Variants in IL12RB1 observed in about 807,000 individuals in gnomAD.
IL12RB1 encodes interleukin-12 receptor subunit beta-1.
In IL12RB1, 64 loss-of-function variants were observed where a neutral mutation model predicts 94.4. The observed-to-expected ratio is 0.68, with a 90% CI of 0.55 to 0.83. IL12RB1 has a LOEUF of 0.83. Among genes scored for constraint, IL12RB1 ranks in the 40% least tolerant of loss-of-function variants. The pLI is 0.00. For synonymous variants in IL12RB1, 362 were observed against 355.5 expected, an observed-to-expected ratio of 1.02 and a Z score of -0.21; for missense variants, 814 against 855.6, an observed-to-expected ratio of 0.95 and a Z score of 0.61.
chr19:18,079,830 G>C (rs551827665), intron 4 of IL12RB1, among the ~76,000 whole-genome samples: 27 of 152,036 alleles, frequency 1.8e-4, no homozygotes, highest in Non-Finnish European at 3.8e-4. Context: ...CCAGGAGGCA[G>C]AGCTTGCAGT....
rs757004204 is a variant in IL12RB1 at position 18,068,493 on chromosome 19, A to G, written c.1223T>C (p.Met408Thr). ...TYSWSRESGA[M>T]GQEKCYYITI... ...AATGTAGTAACACTTTTCCTGCCCC[A>G]TTGCCCCAGACTCTCGACTCCAGCT... Residue 408 changes from methionine to threonine, a missense_variant, in exon 11 of 17, where the codon ATG (methionine) becomes ACG (threonine). Physicochemically the swap from Met to Thr is moderately conservative, Grantham distance 81. Coordinates refer to ENST00000593993, the MANE Select transcript of IL12RB1 (RefSeq NM_005535.3). 6.2e-6 allele frequency: 10 copies of G among 1,612,522 alleles called. No individual in the cohort carries two copies. In the East Asian group the frequency reaches 2.0e-4, roughly 32 times the overall value.
At chr19:18,061,862 C>CAAAAAAAAAAAAA (rs1555778906) in intron 14 of IL12RB1, among the ~76,000 whole-genome samples, 17 of 141,806 alleles carry the variant, frequency 1.2e-4, no homozygotes, top group Non-Finnish European at 2.4e-4. Context: ...GACTCCATCT[C>CAAAAAAAAAAAAA]AAAAAAGAAA....
Position 18,059,981 on chromosome 19 carries a change from G to C in IL12RB1, c.1896C>G (p.Leu632=), listed in dbSNP as rs769424178. Residue 632 remains leucine, a synonymous_variant, in exon 16 of 17, where the codon CTC becomes CTG. Coordinates refer to ENST00000593993, the MANE Select transcript of IL12RB1 (RefSeq NM_005535.3). The stretch of plus-strand genomic sequence containing the variant: ...CACCCTCAGGTAGCTCTGTCTTCTC[G>C]AGAGGCTCAGTCCTCTCGCCTTTGT... ...SWDKGERTEP[L]EKTELPEGAP... is the part of the protein sequence containing the mutation. The C allele has an allele frequency of 1.3e-6, 2 of 1,599,752 alleles. No individual in the cohort carries two copies. Among genetic ancestry groups the C allele is most frequent in the Non-Finnish European group, 8.5e-7 (1 of 1,171,082 alleles).
At chr19:18,081,105 G>T in intron 3 of IL12RB1, 104 bp from the exon 4 acceptor site, 1 of 1,100,132 alleles carries the variant, frequency 9.1e-7, no homozygotes, top group Non-Finnish European at 1.3e-6. Flanking sequence ...GTGTTTGTTT[G>T]TTTGTTTGGA....
At chr19:18,072,035 C>A in intron 9 of IL12RB1, 77 bp downstream of exon 9, 2 of 1,017,628 alleles carry the variant, frequency 2.0e-6, no homozygotes, top group East Asian at 2.4e-5. Context: ...TCCTCTCACC[C>A]TGGTCTAGCT....
chr19:18,066,653 T>C lies in IL12RB1; in HGVS notation c.1372A>G (p.Ser458Gly). ...CAGTCCACAGACACAGAGTCCAAGC[T>C]ATGATTCTTCACCGAGACGTGGTGC... is the stretch of plus-strand genomic sequence containing the variant. ...TPHHVSVKNH[S>G]LDSVSVDWAP... is the part of the protein sequence containing the mutation. The change falls in exon 12 of 17, where the codon AGC becomes GGC. Residue 458 changes from serine (S) to glycine (G), a missense_variant. By Grantham distance (56) the Ser-to-Gly change is moderately conservative. Transcript: ENST00000593993. The C allele has an allele frequency of 6.2e-7, 1 of 1,611,072 alleles. No individual in the cohort carries two copies. The highest frequency in any genetic ancestry group is 8.5e-7 in the Non-Finnish European group (1 of 1,177,600).
chr19:18,097,098 A>G (rs2037005059), intron 1 of IL12RB1, among the ~76,000 whole-genome samples: 1 of 152,078 alleles, frequency 6.6e-6, no homozygotes, highest in African/African-American at 2.4e-5. Flanking sequence ...GCCACCTTAA[A>G]TTTTGCACAG....
chr19:18,086,329 C>T (rs749081212), intron 1 of IL12RB1, among the ~76,000 whole-genome samples: 21 of 152,024 alleles, frequency 1.4e-4, no homozygotes, highest in Non-Finnish European at 2.8e-4. Context: ...CATTTTATAT[C>T]AGGAACTTGA....
chr19:18,072,214 G>GCATCTTCC lies in IL12RB1; in HGVS notation c.911_918dup (p.Pro307GlyfsTer25). On this transcript the variant is annotated frameshift_variant, in exon 9 of 17. Transcript: ENST00000593993. LOFTEE classifies it high-confidence loss of function. ...TTGTAGGCAGCACCCGAGAGATAGG[G>GCATCTTCC]CATCTTCCCCAGGTGCAGGGTCCTG... The GCATCTTCC allele has an allele frequency of 6.2e-7, 1 of 1,614,018 alleles. No homozygotes were observed.
chr19:18,087,013 A>C, upstream of IL12RB1: 1 of 1,273,740 alleles, frequency 7.9e-7, no homozygotes, highest in African/African-American at 1.5e-5. Flanking sequence ...GAAACCCAGG[A>C]AGTCAGCTCC....
intron 1 of IL12RB1, among the ~76,000 whole-genome samples, 168 bp downstream of exon 1, chr19:18,086,592 T>A (rs1284546366): frequency 6.6e-6 from 1 of 152,062 alleles, no homozygotes; most frequent in Non-Finnish European, 1.5e-5. Context: ...AGGAAAGATG[T>A]CTAAGTTCGA....
chr19:18,081,650 G>C (rs988035678), intron 3 of IL12RB1, among the ~76,000 whole-genome samples: 2 of 151,592 alleles, frequency 1.3e-5, no homozygotes, highest in Non-Finnish European at 2.9e-5. Flanking sequence ...GTGAGACTCT[G>C]TCTCTACTAA....
intron 7 of IL12RB1, among the ~76,000 whole-genome samples, chr19:18,074,306 C>T (rs960604571): frequency 4.6e-5 from 7 of 152,174 alleles, no homozygotes; most frequent in African/African-American, 1.7e-4. Context: ...ACCACAGCGC[C>T]AGGCCTTTCT....
At chr19:18,097,778 G>C in intron 1 of IL12RB1, 1 of 1,213,958 alleles carries the variant, frequency 8.2e-7, no homozygotes, top group Non-Finnish European at 1.0e-6. Flanking sequence ...GCCTGGCGGC[G>C]CGGACTCCCG....
At chr19:18,075,946 T>G in intron 6 of IL12RB1, 78 bp from the exon 7 acceptor site, 8 of 1,380,428 alleles carry the variant, frequency 5.8e-6, no homozygotes, top group South Asian at 1.2e-5. Context: ...ATCATGTGCT[T>G]ATTGAGCTCC....
Position 18,080,956 on chromosome 19 carries a change from G to C in IL12RB1, c.285C>G (p.Thr95=). 6.2e-7 allele frequency: 1 copy of C among 1,613,890 alleles called. No individual in the cohort carries two copies. The highest frequency in any genetic ancestry group is 8.5e-7 in the Non-Finnish European group (1 of 1,179,934). Residue 95 remains threonine (T), a synonymous_variant, in exon 4 of 17, where the codon ACC becomes ACG. Transcript: ENST00000593993. ...RCCYFAAGSA[T]RLQFSDQAGV... ...CAGCCTGGTCGGAGAACTGCAGCCT[G>C]GTGGCTGAGCCGGCGGCGAAGTAGC...
chr19:18,064,624 C>T (rs777686824), intron 12 of IL12RB1, among the ~76,000 whole-genome samples: 4 of 152,080 alleles, frequency 2.6e-5, no homozygotes, highest in Admixed American at 1.3e-4. Flanking sequence ...AGGCGCCCAC[C>T]ACCATAGCCA....
chr19:18,097,697 T>G, intron 1 of IL12RB1: 361 of 629,752 alleles, frequency 5.7e-4, no homozygotes, highest in East Asian at 9.9e-4. Context: ...GGCCAGGCCG[T>G]GTCAGCTGAC....
upstream of IL12RB1, among the ~76,000 whole-genome samples, chr19:18,087,220 T>C (rs967854460): frequency 7.3e-5 from 11 of 151,144 alleles, 1 homozygote; most frequent in African/African-American, 2.2e-4. Flanking sequence ...ATTTTTTTTT[T>C]TTTTTTTGAG....
Sources: gnomAD v4.1 joint callset for allele counts (sites outside exome capture counted in the v4.1 genomes callset) on GRCh38, gnomAD v4.1.1 for gene constraint, MANE v1.5 for transcripts, NCBI Gene and HGNC (gene_info 2026-07-23, HGNC 2026-07-21) for gene names.